Variants in MDGA2 observed in about 807,000 individuals in gnomAD.
MDGA2 encodes the protein MAM domain-containing glycosylphosphatidylinositol anchor protein 2.
In MDGA2, 40 loss-of-function variants were observed where a neutral mutation model predicts 117.8. That is an observed-to-expected ratio of 0.34 (90% CI 0.26 to 0.44). MDGA2 has a LOEUF of 0.44. Among genes scored for constraint, MDGA2 ranks in the 20% least tolerant of loss-of-function variants. The pLI is 1.00. For missense variants in MDGA2, 1,123 were observed against 1,250.6 expected (o/e 0.90, Z 1.54); for synonymous variants, 452 against 439.0 (o/e 1.03, Z -0.37).
intron 1 of MDGA2, among the ~76,000 whole-genome samples, chr14:47,336,202 A>C (rs1890451997): frequency 6.6e-6 from 1 of 151,902 alleles, no homozygotes; most frequent in African/African-American, 2.4e-5. Flanking sequence ...TGTCTTGTAG[A>C]CTTCATGTAT....
intron 8 of MDGA2, 34 bp downstream of exon 8, chr14:47,034,977 C>T (rs1442811680): frequency 6.4e-7 from 1 of 1,569,602 alleles, no homozygotes; most frequent in African/African-American, 1.3e-5. Context: ...TCCCTTGTCC[C>T]CATATGGAAA....
intron 8 of MDGA2, among the ~76,000 whole-genome samples, chr14:47,019,833 C>A (rs1403746315): frequency 2.1e-5 from 3 of 140,628 alleles, no homozygotes; most frequent in Non-Finnish European, 4.6e-5. Context: ...AGCGAGAGTC[C>A]GTCTCAAAAA....
intron 3 of MDGA2, among the ~76,000 whole-genome samples, chr14:47,173,043 G>T (rs946678807): frequency 1.4e-4 from 22 of 152,110 alleles, no homozygotes; most frequent in Non-Finnish European, 2.8e-4. Context: ...GGAAGAAAGG[G>T]TATCAGTGAT....
intron 1 of MDGA2, among the ~76,000 whole-genome samples, chr14:47,407,419 T>A (rs1197943031): frequency 6.6e-6 from 1 of 152,174 alleles, no homozygotes; most frequent in Non-Finnish European, 1.5e-5. Context: ...ATTAGATATC[T>A]TACTTTTTAT....
At chr14:47,144,510 A>T (rs1299565490) in intron 3 of MDGA2, among the ~76,000 whole-genome samples, 6 of 152,074 alleles carry the variant, frequency 3.9e-5, no homozygotes, top group Non-Finnish European at 7.4e-5. Context: ...TATATTTCTA[A>T]CTCTTTGTCA....
rs529750920 is a variant in MDGA2 at position 47,010,685 on chromosome 14, A to AT, written c.1819+24325dup. Among the ~76,000 whole-genome samples, 3 of 152,052 alleles carry AT rather than the reference A, an allele frequency of 2.0e-5. No individual in the cohort carries two copies. In the South Asian group the frequency reaches 6.2e-4, roughly 32 times the overall value. ...TAAGTGTCCCCACAAAATGTCATTA[A>AT]TTTTTTGCATTGCATTAATGACATG... On this transcript the variant is annotated intron_variant, in intron 8 of 16. Transcript: ENST00000399232.
chr14:47,448,077 G>A (rs949578725), intron 1 of MDGA2, among the ~76,000 whole-genome samples: 13 of 151,886 alleles, frequency 8.6e-5, no homozygotes, highest in Non-Finnish European at 1.6e-4. Flanking sequence ...TTGGTGAGAA[G>A]GATAGCTTTT....
At chr14:47,004,676 A>G (rs940563601) in intron 8 of MDGA2, among the ~76,000 whole-genome samples, 19 of 151,898 alleles carry the variant, frequency 1.3e-4, no homozygotes, top group African/African-American at 4.6e-4. Context: ...AGGAGTATTA[A>G]AAACAATATT....
chr14:47,371,422 A>T (rs1051666556), intron 1 of MDGA2, among the ~76,000 whole-genome samples: 9 of 151,812 alleles, frequency 5.9e-5, no homozygotes, highest in African/African-American at 2.2e-4. Flanking sequence ...TCCAGTCATG[A>T]ACTATATTCA....
intron 2 of MDGA2, among the ~76,000 whole-genome samples, chr14:47,297,545 G>A (rs1288488826): frequency 6.6e-6 from 1 of 150,882 alleles, no homozygotes; most frequent in Admixed American, 6.6e-5. Flanking sequence ...GGGGGGCAGG[G>A]AAGGAAAGAA....
At chr14:47,277,234 T>A (rs1460351709) in intron 2 of MDGA2, among the ~76,000 whole-genome samples, 1 of 152,204 alleles carries the variant, frequency 6.6e-6, no homozygotes, top group African/African-American at 2.4e-5. Context: ...CTCTTTCATG[T>A]TAATCCTCAT....
At chr14:47,657,868 A>T (rs889374458) in intron 1 of MDGA2, among the ~76,000 whole-genome samples, 1 of 152,206 alleles carries the variant, frequency 6.6e-6, no homozygotes. Context: ...CTTGCAGGAT[A>T]TGACACAGTC....
intron 1 of MDGA2, among the ~76,000 whole-genome samples, chr14:47,555,647 A>G (rs563998247): frequency 1.3e-5 from 2 of 152,158 alleles, no homozygotes; most frequent in Non-Finnish European, 2.9e-5. Context: ...TCCCAGAAAA[A>G]TGAAGATAAG....
intron 3 of MDGA2, among the ~76,000 whole-genome samples, chr14:47,204,929 C>G (rs1052125971): frequency 6.6e-6 from 1 of 151,864 alleles, no homozygotes; most frequent in Non-Finnish European, 1.5e-5. Flanking sequence ...TTTGAACAAT[C>G]TACTTAAATT....
intron 2 of MDGA2, among the ~76,000 whole-genome samples, chr14:47,285,329 T>TG (rs1803596116): frequency 6.6e-6 from 1 of 151,046 alleles, no homozygotes; most frequent in Admixed American, 6.6e-5. Flanking sequence ...TCTACTAAAT[T>TG]GATTTTTTTT....
chr14:46,987,712 G>C (rs1886913074), intron 8 of MDGA2, among the ~76,000 whole-genome samples: 1 of 151,966 alleles, frequency 6.6e-6, no homozygotes, highest in Non-Finnish European at 1.5e-5. Context: ...GAAGGGAAGG[G>C]AATGACAGTG....
At chr14:47,385,474 T>C (rs1449792303) in intron 1 of MDGA2, among the ~76,000 whole-genome samples, 1 of 152,148 alleles carries the variant, frequency 6.6e-6, no homozygotes, top group Admixed American at 6.5e-5. Flanking sequence ...CAATCATAAA[T>C]ATTTTCAAGA....
At chr14:47,483,097 G>C (rs945088713) in intron 1 of MDGA2, among the ~76,000 whole-genome samples, 2 of 151,900 alleles carry the variant, frequency 1.3e-5, no homozygotes, top group East Asian at 3.9e-4. Flanking sequence ...TTTAAAAAAA[G>C]TTTTTCATTT....
intron 6 of MDGA2, among the ~76,000 whole-genome samples, chr14:47,083,904 C>G (rs917259658): frequency 6.6e-6 from 1 of 151,010 alleles, no homozygotes; most frequent in African/African-American, 2.5e-5. Flanking sequence ...CCTTCCCCCT[C>G]CAAAAAAAAG....
Sources: gnomAD v4.1 joint callset for allele counts (sites outside exome capture counted in the v4.1 genomes callset) on GRCh38, gnomAD v4.1.1 for gene constraint, MANE v1.5 for transcripts, NCBI Gene and HGNC (gene_info 2026-07-23, HGNC 2026-07-21) for gene names.